PPP1CB: variants seen among roughly 807,000 people sequenced by gnomAD.
PPP1CB encodes the protein serine/threonine-protein phosphatase PP1-beta catalytic subunit.
Under a neutral mutation model 43.7 loss-of-function variants are expected in PPP1CB, and 2 were observed. That is an observed-to-expected ratio of 0.05 (90% CI 0.02 to 0.14). PPP1CB has a LOEUF of 0.14. Ranked by LOEUF, PPP1CB falls within the 10% of genes least tolerant of loss-of-function variation. The pLI is 1.00. For missense variants in PPP1CB, 84 were observed against 398.0 expected (o/e 0.21, Z 6.71); for synonymous variants, 136 against 135.6 (o/e 1.00, Z -0.02).
At chr2:28,788,596 T>C in intron 5 of PPP1CB, 62 bp from the exon 6 acceptor site, 1 of 1,511,522 alleles carries the variant, frequency 6.6e-7, no homozygotes, top group Non-Finnish European at 9.1e-7. Flanking sequence ...TTGATGTAGA[T>C]GTGCTATATT....
rs1667379781 is a variant in PPP1CB, at chr2:28,791,339, T to G, written c.745-2524T>G. 2.0e-5 allele frequency among the ~76,000 whole-genome samples: 3 copies of G among 151,900 alleles called. No individual in the cohort carries two copies. In the South Asian group the frequency reaches 6.2e-4, roughly 32 times the overall value. ...AGTAGTTTTTTGTTGTTGTTGTTTG[T>G]TTTTTTTGTGAGACAGAGTCTCACA... is the stretch of plus-strand genomic sequence containing the variant. On this transcript the variant is annotated intron_variant, in intron 6 of 7. Coordinates refer to ENST00000395366, the MANE Select transcript of PPP1CB (RefSeq NM_002709.3).
At chr2:28,770,399 T>TGGGGGG (rs1666879729) in intron 1 of PPP1CB, among the ~76,000 whole-genome samples, 1 of 70,792 alleles carries the variant, frequency 1.4e-5, no homozygotes, top group African/African-American at 5.4e-5. Context: ...GGGAGGGGGG[T>TGGGGGG]GTGGGGGAGA....
At position 28,800,824 on chromosome 2, in the gene PPP1CB, G is replaced by T. The variant is rs145260229; in HGVS notation, c.*1521G>T. 7 of 152,490 alleles carry T rather than the reference G, an allele frequency of 4.6e-5. No homozygotes were observed. Among genetic ancestry groups the T allele is most frequent in the African/African-American group, 7.2e-5 (3 of 41,504 alleles). 9.4% of individuals were successfully genotyped at this position (152,490 alleles called of 1,614,324 possible). On this transcript the variant is annotated 3_prime_UTR_variant, in exon 8 of 8. Coordinates refer to ENST00000395366, the MANE Select transcript of PPP1CB (RefSeq NM_002709.3). ...GTGCTACCATAGATGTGACATTTTT[G>T]ACCTTAATATCGTCTTTGAAAATGT...
chr2:28,788,800 A>C lies in PPP1CB; in HGVS notation c.735A>C (p.Arg245=), dbSNP rs1472901530. 6.2e-7 allele frequency: 1 copy of C among 1,608,286 alleles called. No individual in the cohort carries two copies. Among genetic ancestry groups the C allele is most frequent in the Non-Finnish European group, 8.5e-7 (1 of 1,178,634 alleles). ...GTCATGATTTAGATTTGATTTGTCG[A>C]GCTCATCAGGTATGAAATATAAAAC... is the stretch of plus-strand genomic sequence containing the variant. ...LNRHDLDLIC[R]AHQVVEDGYE... Residue 245 remains arginine, a synonymous_variant, in exon 6 of 8, where the codon CGA becomes CGC. Transcript: ENST00000395366.
rs530957503 is a variant in PPP1CB, at chr2:28,752,031, C to T, written c.-94C>T. The T allele has an allele frequency of 1.8e-3, 2,212 of 1,230,904 alleles. 2 individuals are homozygous for T. Among genetic ancestry groups the T allele is most frequent in the Non-Finnish European group, 2.4e-3 (2,043 of 856,784 alleles). 76.2% of individuals were successfully genotyped at this position (1,230,904 alleles called of 1,614,324 possible). On this transcript the variant is annotated 5_prime_UTR_variant, in exon 1 of 8. Coordinates refer to ENST00000395366, the MANE Select transcript of PPP1CB (RefSeq NM_002709.3). ...GAGCCGGGGTCGAAACGCCGCGTGA[C>T]TTGTAGGTGAGAGAACGCCGAGCCG...
Position 28,802,306 on chromosome 2 carries a change from A to G in PPP1CB, c.*3003A>G, listed in dbSNP as rs1279715397. 1 of 152,130 alleles carries G rather than the reference A, an allele frequency of 6.6e-6. No individual in the cohort carries two copies. Among genetic ancestry groups the G allele is most frequent in the Admixed American group, 6.5e-5 (1 of 15,270 alleles). The allele number at this position is 152,130 out of a possible 1,614,324, so 9.4% of individuals were successfully genotyped here. On this transcript the variant is annotated 3_prime_UTR_variant, in exon 8 of 8. Transcript: ENST00000395366. ...CATGGCAACCATAACTTTTGAACCA[A>G]AAAAAATTGTTTTTACATCTTTATG... is the stretch of plus-strand genomic sequence containing the variant.
chr2:28,776,544 G>A (rs1667049047), intron 1 of PPP1CB, among the ~76,000 whole-genome samples: 1 of 152,116 alleles, frequency 6.6e-6, no homozygotes, highest in Admixed American at 6.5e-5. Context: ...ACAGGCATGA[G>A]CCACCGTGCC....
chr2:28,760,286 T>C (rs181911595), intron 1 of PPP1CB, among the ~76,000 whole-genome samples: 3 of 152,226 alleles, frequency 2.0e-5, no homozygotes, highest in Admixed American at 6.5e-5. Flanking sequence ...TGTTTAAAAA[T>C]TTTTTTAAGT....
intron 1 of PPP1CB, among the ~76,000 whole-genome samples, chr2:28,765,029 A>G (rs949219484): frequency 6.6e-6 from 1 of 152,236 alleles, no homozygotes; most frequent in African/African-American, 2.4e-5. Flanking sequence ...TGCTGGGGAA[A>G]GTAGCATAAG....
chr2:28,777,985 T>C (rs1268439342), intron 2 of PPP1CB, among the ~76,000 whole-genome samples: 1 of 152,198 alleles, frequency 6.6e-6, no homozygotes, highest in Non-Finnish European at 1.5e-5. Context: ...TCAGTTAACT[T>C]AGAATATCAC....
At chr2:28,757,486 G>T (rs1346873906) in intron 1 of PPP1CB, among the ~76,000 whole-genome samples, 1 of 152,112 alleles carries the variant, frequency 6.6e-6, no homozygotes, top group African/African-American at 2.4e-5. Flanking sequence ...TGATTAAATT[G>T]TTTAATTCTG....
chr2:28,755,482 A>G (rs1321205781), intron 1 of PPP1CB, among the ~76,000 whole-genome samples: 1 of 152,242 alleles, frequency 6.6e-6, no homozygotes, highest in African/African-American at 2.4e-5. Flanking sequence ...GCTTAGAACT[A>G]AAAACCAAAG....
chr2:28,753,662 A>G (rs1227443934), intron 1 of PPP1CB, among the ~76,000 whole-genome samples: 1 of 152,218 alleles, frequency 6.6e-6, no homozygotes, highest in African/African-American at 2.4e-5. Context: ...TTATGAGGGA[A>G]ATACAGTTAA....
chr2:28,785,418 A>C (rs1363784455), intron 5 of PPP1CB, among the ~76,000 whole-genome samples: 2 of 152,050 alleles, frequency 1.3e-5, no homozygotes, highest in Non-Finnish European at 2.9e-5. Flanking sequence ...TGTGTTGATT[A>C]TTTTTTAAAG....
At chr2:28,794,558 G>A (rs530196640) in intron 7 of PPP1CB, among the ~76,000 whole-genome samples, 3 of 152,056 alleles carry the variant, frequency 2.0e-5, no homozygotes, top group Non-Finnish European at 4.4e-5. Flanking sequence ...GGGCGTGGTA[G>A]CATGCACCTA....
At chr2:28,759,619 T>C (rs1337160820) in intron 1 of PPP1CB, among the ~76,000 whole-genome samples, 4 of 151,958 alleles carry the variant, frequency 2.6e-5, no homozygotes, top group East Asian at 3.9e-4. Context: ...ATTTACCTTT[T>C]TTTTTTCTTT....
At position 28,800,428 on chromosome 2, in the gene PPP1CB, G is replaced by A. The variant is rs1420974141; in HGVS notation, c.*1125G>A. The A allele has an allele frequency of 6.6e-6, 1 of 152,082 alleles. No individual in the cohort carries two copies. Among genetic ancestry groups the A allele is most frequent in the Non-Finnish European group, 1.5e-5 (1 of 67,856 alleles). The allele number at this position is 152,082 out of a possible 1,614,324, so 9.4% of individuals were successfully genotyped here. Reference sequence around the variant, plus strand: ...GTGCTTAACTGTCTAATATTGCCATGTGAATGTTGTATACGATTGTAAGGC... The same window carrying A: ...GTGCTTAACTGTCTAATATTGCCATATGAATGTTGTATACGATTGTAAGGC... On this transcript the variant is annotated 3_prime_UTR_variant, in exon 8 of 8. Transcript: ENST00000395366.
intron 1 of PPP1CB, among the ~76,000 whole-genome samples, chr2:28,757,610 AAG>A (rs1666524516): frequency 6.6e-6 from 1 of 152,182 alleles, no homozygotes; most frequent in Non-Finnish European, 1.5e-5. Context: ...TGTTAGAAAA[AAG>A]AGCATGTTGG....
intron 6 of PPP1CB, among the ~76,000 whole-genome samples, chr2:28,792,830 A>G (rs1223984000): frequency 4.6e-5 from 7 of 152,220 alleles, no homozygotes. Context: ...AAATATTTAC[A>G]TATTATTGTG....
Sources: allele counts gnomAD v4.1 joint callset (sites outside exome capture counted in the v4.1 genomes callset), GRCh38; gene constraint gnomAD v4.1.1; transcripts MANE v1.5; gene names NCBI Gene and HGNC (gene_info 2026-07-23, HGNC 2026-07-21).